Variants in TNS3 observed in about 807,000 individuals in gnomAD.
TNS3 encodes the protein tensin 3.
In TNS3, 45 loss-of-function variants were observed where a neutral mutation model predicts 140.9. The ratio of observed to expected loss-of-function variants is 0.32; its 90% CI spans 0.25 to 0.41. The LOEUF is 0.41. TNS3 is among the 10% of genes least tolerant of loss of function. TNS3 has a pLI of 1.00. For synonymous variants in TNS3, 815 were observed against 788.4 expected (o/e 1.03, Z -0.56); for missense variants, 1,716 against 1,906.7 (o/e 0.90, Z 1.86).
At chr7:47,579,829 T>A (rs1784486583) in intron 1 of TNS3, 1 of 985,396 alleles carries the variant, frequency 1.0e-6, no homozygotes, top group Non-Finnish European at 1.2e-6. Flanking sequence ...AGGTCAGCCC[T>A]TCCACTCACT....
At chr7:47,304,284 C>T (rs1462108158) in intron 21 of TNS3, among the ~76,000 whole-genome samples, 8 of 152,184 alleles carry the variant, frequency 5.3e-5, no homozygotes, top group African/African-American at 1.9e-4. Context: ...ACGTGACACA[C>T]GTATTTCACT....
At chr7:47,357,681 C>G (rs1452410446) in intron 17 of TNS3, among the ~76,000 whole-genome samples, 1 of 152,148 alleles carries the variant, frequency 6.6e-6, no homozygotes, top group African/African-American at 2.4e-5. Context: ...CCCACCCTCC[C>G]TCAGTCGTGC....
At position 47,277,333 on chromosome 7, in the gene TNS3, C is replaced by T. The variant is rs1188074677; in HGVS notation, c.*743G>A. 2 of 152,332 alleles carry T rather than the reference C, an allele frequency of 1.3e-5. No homozygotes were observed. The highest frequency in any genetic ancestry group is 2.9e-5 in the Non-Finnish European group (2 of 68,158). 9.4% of individuals were successfully genotyped at this position (152,332 alleles called of 1,614,324 possible). A position where few individuals can be genotyped will look rare whatever the true frequency, so the allele number is the denominator to read the frequency against. ...TGTTCCTTCTTCTCATTTCTCCTCT[C>T]GGTCCTCACAGGCTCTCCCCAGCCC... On this transcript the variant is annotated 3_prime_UTR_variant, in exon 31 of 31. Coordinates refer to ENST00000311160, the MANE Select transcript of TNS3 (RefSeq NM_022748.12).
At chr7:47,479,422 A>C (rs1797329479) in intron 4 of TNS3, among the ~76,000 whole-genome samples, 1 of 152,116 alleles carries the variant, frequency 6.6e-6, no homozygotes, top group African/African-American at 2.4e-5. Flanking sequence ...TCAGTCACAA[A>C]CCGCAGCCTG....
At chr7:47,511,785 C>T (rs1003008511) in intron 2 of TNS3, among the ~76,000 whole-genome samples, 2 of 152,164 alleles carry the variant, frequency 1.3e-5, no homozygotes, top group African/African-American at 4.8e-5. Context: ...CCTCTGAGCA[C>T]GGAGCTGGAC....
chr7:47,322,262 G>A (rs1055789517), intron 20 of TNS3, among the ~76,000 whole-genome samples: 9 of 144,112 alleles, frequency 6.2e-5, no homozygotes, highest in African/African-American at 1.0e-4. Context: ...AGTGGCTCAC[G>A]CCTGTAATCC....
intron 4 of TNS3, among the ~76,000 whole-genome samples, chr7:47,459,087 C>T (rs189671173): frequency 1.7e-3 from 259 of 152,290 alleles, no homozygotes; most frequent in African/African-American, 5.5e-3. Context: ...TTAACAGTGG[C>T]ATAGTACCCA....
chr7:47,346,703 AC>A (rs1307057647), intron 17 of TNS3, among the ~76,000 whole-genome samples: 26 of 152,060 alleles, frequency 1.7e-4, no homozygotes, highest in African/African-American at 6.3e-4. Flanking sequence ...ACTGACGATG[AC>A]CCAGCTGGGA....
intron 13 of TNS3, among the ~76,000 whole-genome samples, chr7:47,409,406 T>C (rs1562703091): frequency 6.6e-6 from 1 of 152,004 alleles, no homozygotes; most frequent in African/African-American, 2.4e-5. Flanking sequence ...TCCCATGCTC[T>C]TGGTGGGCGG....
chr7:47,559,635 G>A (rs1483266611), intron 1 of TNS3, among the ~76,000 whole-genome samples: 1 of 152,066 alleles, frequency 6.6e-6, no homozygotes, highest in Non-Finnish European at 1.5e-5. Context: ...CTTACGAGAG[G>A]CCAGCCCTCC....
chr7:47,488,599 C>A (rs1454915825), intron 3 of TNS3, among the ~76,000 whole-genome samples: 1 of 152,228 alleles, frequency 6.6e-6, no homozygotes, highest in Non-Finnish European at 1.5e-5. Flanking sequence ...CTATTTCAAC[C>A]TAATTACCTC....
chr7:47,388,084 G>A (rs534597039), intron 16 of TNS3, among the ~76,000 whole-genome samples: 16 of 152,282 alleles, frequency 1.1e-4, no homozygotes, highest in African/African-American at 3.6e-4. Flanking sequence ...AGGTTTGATC[G>A]CCTGCCATTC....
At chr7:47,375,659 A>C (rs1291605632) in intron 16 of TNS3, among the ~76,000 whole-genome samples, 1 of 152,210 alleles carries the variant, frequency 6.6e-6, no homozygotes, top group Non-Finnish European at 1.5e-5. Context: ...GAGAAGACCA[A>C]AAAAATATAT....
chr7:47,362,517 AAAT>A (rs1790391683), intron 17 of TNS3, among the ~76,000 whole-genome samples: 1 of 152,194 alleles, frequency 6.6e-6, no homozygotes, highest in African/African-American at 2.4e-5. Flanking sequence ...CAGGGAAAAA[AAAT>A]AATGAGCACT....
intron 16 of TNS3, among the ~76,000 whole-genome samples, chr7:47,381,845 G>A (rs753556791): frequency 7.2e-5 from 11 of 152,194 alleles, no homozygotes; most frequent in Admixed American, 2.6e-4. Flanking sequence ...CAAGAGAACC[G>A]AAATTATTGT....
rs1784843024 is a variant in TNS3 at position 47,275,704 on chromosome 7, C to T, written c.*2372G>A. On this transcript the variant is annotated 3_prime_UTR_variant, in exon 31 of 31. Coordinates refer to ENST00000311160, the MANE Select transcript of TNS3 (RefSeq NM_022748.12). ...GCTCTTCAGAAATCGTGGAAACTTGCTTCCTTTGGTTCCTCAGAGGGAGCT... is the reference window on the plus strand; with the variant it reads ...GCTCTTCAGAAATCGTGGAAACTTGTTTCCTTTGGTTCCTCAGAGGGAGCT... 2.3e-6 allele frequency: 1 copy of T among 429,040 alleles called. No individual in the cohort carries two copies. The highest frequency in any genetic ancestry group is 2.0e-5 in the African/African-American group (1 of 48,846). 26.6% of individuals were successfully genotyped at this position (429,040 alleles called of 1,614,324 possible). A position where few individuals can be genotyped will look rare whatever the true frequency, so the allele number is the denominator to read the frequency against.
At chr7:47,358,837 C>T (rs1414363232) in intron 17 of TNS3, among the ~76,000 whole-genome samples, 1 of 152,180 alleles carries the variant, frequency 6.6e-6, no homozygotes, top group Non-Finnish European at 1.5e-5. Context: ...CCTAGGATTC[C>T]ATAAATTAGC....
intron 28 of TNS3, among the ~76,000 whole-genome samples, chr7:47,282,680 G>A (rs1045349240): frequency 1.3e-5 from 2 of 152,186 alleles, no homozygotes; most frequent in Non-Finnish European, 2.9e-5. Flanking sequence ...ATCAAGCATT[G>A]GGACCCTGCC....
At chr7:47,550,551 G>A (rs1471827829) in intron 1 of TNS3, among the ~76,000 whole-genome samples, 1 of 152,176 alleles carries the variant, frequency 6.6e-6, no homozygotes, top group Non-Finnish European at 1.5e-5. Context: ...CACATTTGCA[G>A]CAGGGTCTCA....
Sources: gnomAD v4.1 joint callset for allele counts (sites outside exome capture counted in the v4.1 genomes callset) on GRCh38, gnomAD v4.1.1 for gene constraint, MANE v1.5 for transcripts, NCBI Gene and HGNC (gene_info 2026-07-23, HGNC 2026-07-21) for gene names.